The following ABCA9 variants were observed in gnomAD, a reference collection of about 807,000 sequenced individuals.
The protein encoded by ABCA9 is ATP-binding cassette sub-family A member 9.
In ABCA9, 183 loss-of-function variants were observed where a neutral mutation model predicts 205.3. That is an observed-to-expected ratio of 0.89 (90% confidence interval 0.79 to 1.01). ABCA9 has a LOEUF of 1.01. Ranked by LOEUF, ABCA9 falls within the 50% of genes least tolerant of loss-of-function variation. The pLI, the probability that ABCA9 is intolerant of heterozygous loss-of-function variation, is 0.00. For synonymous variants in ABCA9, 651 were observed against 683.3 expected, an observed-to-expected ratio of 0.95 and a Z score of 0.74; for missense variants, 1,805 against 1,912.4, an observed-to-expected ratio of 0.94 and a Z score of 1.05.
chr17:68,986,371 A>G, intron 31 of ABCA9, 47 bp from the exon 32 acceptor site: 1 of 1,549,546 alleles, frequency 6.5e-7, no homozygotes, highest in Non-Finnish European at 8.8e-7. Flanking sequence ...AATGTCACGT[A>G]TATGTATATG....
At chr17:69,034,161 G>A (rs2071254167) in intron 8 of ABCA9, among the ~76,000 whole-genome samples, 1 of 152,092 alleles carries the variant, frequency 6.6e-6, no homozygotes, top group Admixed American at 6.5e-5. Flanking sequence ...TATTTGAGCT[G>A]GACCTAATAT....
chr17:68,984,760 T>C, intron 34 of ABCA9, 125 bp downstream of exon 34: 1 of 1,274,048 alleles, frequency 7.8e-7, no homozygotes, highest in Non-Finnish European at 1.1e-6. Flanking sequence ...CAGATAATTT[T>C]TTTTCCTAAA....
chr17:69,051,348 A>G (rs2071894971), intron 1 of ABCA9, among the ~76,000 whole-genome samples: 3 of 152,220 alleles, frequency 2.0e-5, no homozygotes, highest in Admixed American at 2.0e-4. Flanking sequence ...ATCAGATATT[A>G]TTTCTCCATC....
At chr17:69,014,542 A>T (rs1027156143) in intron 22 of ABCA9, among the ~76,000 whole-genome samples, 1 of 152,204 alleles carries the variant, frequency 6.6e-6, no homozygotes. Flanking sequence ...TGCTTGGGAC[A>T]TTTAAACATG....
At chr17:69,055,306 T>G (rs2072035535) in intron 1 of ABCA9, among the ~76,000 whole-genome samples, 1 of 152,174 alleles carries the variant, frequency 6.6e-6, no homozygotes, top group Admixed American at 6.5e-5. Flanking sequence ...GAGGGATAAA[T>G]ATAGATGGAC....
chr17:69,012,048 G>A lies in ABCA9; in HGVS notation c.3075C>T (p.Asn1025=), dbSNP rs769535715. 9 of 1,613,172 alleles carry A rather than the reference G, an allele frequency of 5.6e-6. No homozygotes were observed. Among genetic ancestry groups the A allele is most frequent in the Non-Finnish European group, 6.8e-6 (8 of 1,179,500 alleles). The change falls in exon 23 of 39, where the codon AAC becomes AAT. Residue 1025 remains asparagine, a synonymous_variant. Transcript: ENST00000340001. The part of the protein sequence containing the change: ...HMDYEYGYRS[N]TFFWIPMAAS... Reference sequence around the variant, plus strand: ...CTGCCATCGGTATCCAGAAGAAGGTGTTACTTCGGTACCCATACTCATAAT... The same window carrying A: ...CTGCCATCGGTATCCAGAAGAAGGTATTACTTCGGTACCCATACTCATAAT...
chr17:68,989,811 ACCTTTTTTAAC>A lies in ABCA9; in HGVS notation c.3946_3955+1del, dbSNP rs2069384701. 6.5e-7 allele frequency: 1 copy of A among 1,541,522 alleles called. No individual in the cohort carries two copies. Among genetic ancestry groups the A allele is most frequent in the South Asian group, 1.1e-5 (1 of 88,694 alleles). On this transcript the variant is annotated splice_donor_variant and coding_sequence_variant, in exon 30 of 39. Coordinates refer to ENST00000340001, the MANE Select transcript of ABCA9 (RefSeq NM_080283.4). LOFTEE classifies it high-confidence loss of function. ...TCTACTAATGGAACTACTGTTTCCA[ACCTTTTTTAAC>A]ACAAAAAGAGACATTTCTTGTGGCA...
intron 10 of ABCA9, 74 bp downstream of exon 10, chr17:69,032,034 C>T: frequency 7.0e-7 from 1 of 1,436,086 alleles, no homozygotes; most frequent in East Asian, 2.3e-5. Context: ...GATCTTTGCT[C>T]CTAGTGTGTC....
chr17:69,006,794 A>G (rs1222490882), intron 25 of ABCA9, among the ~76,000 whole-genome samples: 1 of 152,326 alleles, frequency 6.6e-6, no homozygotes, highest in South Asian at 2.1e-4. Flanking sequence ...ACTTTTCTAT[A>G]ATGTAGGCTA....
chr17:69,062,629 G>A (rs899717837), upstream of ABCA9, among the ~76,000 whole-genome samples: 1 of 152,012 alleles, frequency 6.6e-6, no homozygotes, highest in Non-Finnish European at 1.5e-5. Flanking sequence ...TCCTGCCTCA[G>A]CCTCCACAGT....
chr17:69,063,582 CTT>C (rs909727585), upstream of ABCA9, among the ~76,000 whole-genome samples: 18 of 152,158 alleles, frequency 1.2e-4, no homozygotes, highest in African/African-American at 3.6e-4. Context: ...AAACATTTCT[CTT>C]TGTTTTTTGT....
chr17:69,007,758 CAATT>C lies in ABCA9; in HGVS notation c.3432_3435del (p.Ile1145TrpfsTer6). On this transcript the variant is annotated frameshift_variant and splice_region_variant, in exon 25 of 39. Transcript: ENST00000340001. LOFTEE classifies it high-confidence loss of function. ...ATAATAGGTAGTATATGCATACTCA[CAATT>C]AAGAAGAAAAATGACCAAATGCCAC... 6.5e-7 allele frequency: 1 copy of C among 1,547,472 alleles called. No individual in the cohort carries two copies. The highest frequency in any genetic ancestry group is 8.9e-7 in the Non-Finnish European group (1 of 1,120,666).
intron 37 of ABCA9, among the ~76,000 whole-genome samples, chr17:68,978,032 T>G (rs926176954): frequency 3.3e-5 from 5 of 152,204 alleles, no homozygotes; most frequent in African/African-American, 1.2e-4. Context: ...TCTTGTTAAC[T>G]TTCTGTCTCG....
At chr17:69,034,264 C>A (rs2071260362) in intron 8 of ABCA9, among the ~76,000 whole-genome samples, 1 of 152,168 alleles carries the variant, frequency 6.6e-6, no homozygotes, top group Admixed American at 6.5e-5. Context: ...CTCTGTTACC[C>A]AGGCTGGAGT....
At chr17:69,073,865 C>CT in the ABCA9 span, among the ~76,000 whole-genome samples, 32 of 148,616 alleles carry the variant, frequency 2.2e-4, no homozygotes, top group East Asian at 3.9e-4. Context: ...CTAACTTTTA[C>CT]TTTTTTTTTT....
intron 16 of ABCA9, among the ~76,000 whole-genome samples, chr17:69,024,729 C>T (rs779117121): frequency 7.2e-5 from 11 of 151,892 alleles, no homozygotes; most frequent in African/African-American, 1.7e-4. Context: ...TGAGTTCTGC[C>T]GAAACTCAGA....
chr17:69,001,069 G>T (rs1438513884), intron 25 of ABCA9, among the ~76,000 whole-genome samples: 1 of 152,012 alleles, frequency 6.6e-6, no homozygotes, highest in Non-Finnish European at 1.5e-5. Flanking sequence ...CTGCAAACAG[G>T]GACAATTTGA....
chr17:69,044,015 G>T (rs1219918893), intron 5 of ABCA9, among the ~76,000 whole-genome samples: 2 of 152,036 alleles, frequency 1.3e-5, no homozygotes, highest in Non-Finnish European at 2.9e-5. Flanking sequence ...TTCATTGTTT[G>T]CCTAGTACAC....
intron 10 of ABCA9, 48 bp downstream of exon 10, chr17:69,032,060 A>T: frequency 1.3e-6 from 2 of 1,539,876 alleles, no homozygotes; most frequent in Non-Finnish European, 1.8e-6. Context: ...ACAGATCCCC[A>T]GTCTCTGCCT....
Sources: gnomAD v4.1 joint callset for allele counts (sites outside exome capture counted in the v4.1 genomes callset) on GRCh38, gnomAD v4.1.1 for gene constraint, MANE v1.5 for transcripts, NCBI Gene and HGNC (gene_info 2026-07-23, HGNC 2026-07-21) for gene names.